NAF1: variants seen among roughly 807,000 people sequenced by gnomAD.
The protein encoded by NAF1 is H/ACA ribonucleoprotein complex non-core subunit NAF1.
In NAF1, 11 loss-of-function variants were observed where a neutral mutation model predicts 40.6. The ratio of observed to expected loss-of-function variants is 0.27; its 90% CI spans 0.17 to 0.45. NAF1 has a LOEUF of 0.45. Among genes scored for constraint, NAF1 ranks in the 20% least tolerant of loss-of-function variants. NAF1 has a pLI of 1.00. For missense variants in NAF1, 607 were observed against 611.1 expected, an observed-to-expected ratio of 0.99 and a Z score of 0.07; for synonymous variants, 260 against 228.5, an observed-to-expected ratio of 1.14 and a Z score of -1.24.
downstream of NAF1, among the ~76,000 whole-genome samples, chr4:163,108,284 G>A (rs907761973): frequency 1.3e-5 from 2 of 152,156 alleles, no homozygotes; most frequent in Non-Finnish European, 2.9e-5. Context: ...ACAAGGATAT[G>A]GAGAAAGAAC....
At chr4:163,122,880 G>C (rs769759801), downstream of NAF1, among the ~76,000 whole-genome samples, 1 of 152,154 alleles carries the variant, frequency 6.6e-6, no homozygotes, top group Admixed American at 6.5e-5. Context: ...ATAAATTTCT[G>C]TTCATTATAC....
chr4:163,153,729 T>G (rs1399785627), intron 2 of NAF1, among the ~76,000 whole-genome samples: 1 of 152,126 alleles, frequency 6.6e-6, no homozygotes, highest in Non-Finnish European at 1.5e-5. Context: ...AACAGGCCAC[T>G]CGGCTCTACC....
At chr4:163,154,067 C>G (rs1731863955) in intron 2 of NAF1, among the ~76,000 whole-genome samples, 1 of 151,892 alleles carries the variant, frequency 6.6e-6, no homozygotes, top group African/African-American at 2.4e-5. Context: ...AGACCACGAA[C>G]CCACCAGAAG....
chr4:163,122,651 T>C (rs1730547927), downstream of NAF1, among the ~76,000 whole-genome samples: 1 of 152,334 alleles, frequency 6.6e-6, no homozygotes, highest in East Asian at 1.9e-4. Context: ...TGCAATTTAG[T>C]TGCCACTGTA....
At chr4:163,152,930 C>A (rs897597538) in intron 2 of NAF1, among the ~76,000 whole-genome samples, 2 of 152,194 alleles carry the variant, frequency 1.3e-5, no homozygotes, top group Non-Finnish European at 2.9e-5. Context: ...TGGAGGGCCC[C>A]GCACTCAGAG....
At chr4:163,139,477 A>C (rs1036212334) in intron 5 of NAF1, among the ~76,000 whole-genome samples, 2 of 152,140 alleles carry the variant, frequency 1.3e-5, no homozygotes, top group African/African-American at 4.8e-5. Context: ...TCTTAAATTC[A>C]TATGCTATTT....
intron 6 of NAF1, chr4:163,136,315 C>T (rs1731052960): frequency 6.7e-6 from 1 of 148,958 alleles, no homozygotes; most frequent in African/African-American, 2.5e-5. Flanking sequence ...ACTGAGACCC[C>T]CATGTCTATA....
intron 2 of NAF1, among the ~76,000 whole-genome samples, chr4:163,118,680 G>A (rs1453802822): frequency 6.6e-6 from 1 of 152,206 alleles, no homozygotes; most frequent in Non-Finnish European, 1.5e-5. Context: ...TTAAACCCGG[G>A]AGGTAGAGGC....
At chr4:163,142,047 G>T in intron 4 of NAF1, 1 of 498,086 alleles carries the variant, frequency 2.0e-6, no homozygotes, top group Non-Finnish European at 2.6e-6. Flanking sequence ...CAAATTTAAA[G>T]CTTTAAAAAA....
chr4:163,129,706 G>A (rs780557133), intron 7 of NAF1, among the ~76,000 whole-genome samples: 3 of 152,176 alleles, frequency 2.0e-5, no homozygotes, highest in Non-Finnish European at 4.4e-5. Flanking sequence ...AGTAGCATCA[G>A]GAACAGGCTG....
chr4:163,161,228 T>A (rs970979055), intron 2 of NAF1, among the ~76,000 whole-genome samples: 2 of 152,068 alleles, frequency 1.3e-5, no homozygotes, highest in Non-Finnish European at 2.9e-5. Flanking sequence ...ATCCCAGCAC[T>A]TTGGGAGGCC....
At position 163,166,596 on chromosome 4, in the gene NAF1, T is replaced by C. The variant is rs939072520; in HGVS notation, c.132A>G (p.Leu44=). 9.9e-6 allele frequency: 16 copies of C among 1,609,926 alleles called. No individual in the cohort carries two copies. The highest frequency in any genetic ancestry group is 2.7e-5 in the African/African-American group (2 of 74,874). ...SAPVPGTQPP[L]QSFEGSPDAG... ...CGTCCGGGGACCCCTCAAACGACTG[T>C]AGCGGCGGCTGTGTCCCTGGCACAG... Residue 44 remains leucine (L), a synonymous_variant, in exon 1 of 8, where the codon CTA becomes CTG. Transcript: ENST00000274054.
intron 2 of NAF1, among the ~76,000 whole-genome samples, chr4:163,153,493 A>G (rs1011258712): frequency 5.1e-4 from 76 of 148,726 alleles, no homozygotes; most frequent in Non-Finnish European, 1.9e-4. Flanking sequence ...AAATACACCA[A>G]TCGGCACTCT....
At chr4:163,143,154 GT>G (rs1731327022) in intron 4 of NAF1, among the ~76,000 whole-genome samples, 1 of 152,010 alleles carries the variant, frequency 6.6e-6, no homozygotes, top group African/African-American at 2.4e-5. Context: ...TACTTGCCCT[GT>G]CATTGAGAAG....
downstream of NAF1, chr4:163,126,835 TCAGCGGCCAA>T: frequency 1.7e-6 from 2 of 1,203,888 alleles, no homozygotes; most frequent in Non-Finnish European, 1.1e-6. Flanking sequence ...CCCTGATTAG[TCAGCGGCCAA>T]CAGCACTTGA....
chr4:163,141,103 C>T (rs1426966583), intron 4 of NAF1, among the ~76,000 whole-genome samples: 18 of 152,192 alleles, frequency 1.2e-4, no homozygotes, highest in African/African-American at 3.1e-4. Flanking sequence ...CAGTGGCTCA[C>T]GCCTGTAATC....
chr4:163,117,716 C>CACACACAT (rs1730389770), intron 2 of NAF1, among the ~76,000 whole-genome samples: 1 of 151,218 alleles, frequency 6.6e-6, no homozygotes, highest in African/African-American at 2.4e-5. Context: ...CACACACACA[C>CACACACAT]ACGCATGAAT....
At chr4:163,115,199 AT>A (rs201172406) in intron 2 of NAF1, among the ~76,000 whole-genome samples, 1 of 103,708 alleles carries the variant, frequency 9.6e-6, no homozygotes, top group East Asian at 3.0e-4. Context: ...TAGGACAATA[AT>A]TTTTTTATTT....
chr4:163,123,504 C>A (rs369300276), downstream of NAF1, among the ~76,000 whole-genome samples: 56 of 152,254 alleles, frequency 3.7e-4, no homozygotes, highest in South Asian at 8.3e-3. Flanking sequence ...GCCTCAGCCA[C>A]TTGAGTAGCT....
Sources: gnomAD v4.1 joint callset for allele counts (sites outside exome capture counted in the v4.1 genomes callset) on GRCh38, gnomAD v4.1.1 for gene constraint, MANE v1.5 for transcripts, NCBI Gene and HGNC (gene_info 2026-07-23, HGNC 2026-07-21) for gene names.